Variants in ATP6V1C2 observed in about 807,000 individuals in gnomAD.
ATP6V1C2 encodes ATPase H+ transporting V1 subunit C2.
In ATP6V1C2, 45 loss-of-function variants were observed where a neutral mutation model predicts 56.8. The observed-to-expected ratio is 0.79, with a 90% confidence interval of 0.62 to 1.02. The LOEUF (loss-of-function observed/expected upper bound fraction) is 1.02, where lower values mean the gene tolerates loss of function less well. ATP6V1C2 is among the 50% of genes least tolerant of loss of function. ATP6V1C2 has a pLI of 0.00. For synonymous variants in ATP6V1C2, 220 were observed against 201.3 expected (o/e 1.09, Z -0.79); for missense variants, 463 against 519.7 (o/e 0.89, Z 1.06).
At position 10,771,950 on chromosome 2, in the gene ATP6V1C2, C is replaced by A. The variant is rs758710554; in HGVS notation, c.569+13C>A. On this transcript the variant is annotated intron_variant, in intron 7 of 13. Transcript: ENST00000272238. Reference sequence around the variant, plus strand: ...TCATCGTCCCCAAGTGAGTGCTGGGCGATCACGAAGGAAACCGGCCCTGCC... The same window carrying A: ...TCATCGTCCCCAAGTGAGTGCTGGGAGATCACGAAGGAAACCGGCCCTGCC... 5.0e-6 allele frequency: 8 copies of A among 1,610,474 alleles called. No homozygotes were observed. The highest frequency in any genetic ancestry group is 6.8e-6 in the Non-Finnish European group (8 of 1,176,816).
intron 4 of ATP6V1C2, among the ~76,000 whole-genome samples, chr2:10,758,961 C>T (rs56667977): frequency 0.17 from 25,475 of 152,194 alleles, 2,593 homozygotes; most frequent in African/African-American, 0.28. Flanking sequence ...GCCACCGCGC[C>T]GGCCGAGAGG....
intron 3 of ATP6V1C2, among the ~76,000 whole-genome samples, chr2:10,750,433 TTG>T (rs990115825): frequency 4.6e-5 from 7 of 151,888 alleles, no homozygotes; most frequent in African/African-American, 1.7e-4. Flanking sequence ...GAAGGATCAC[TTG>T]AACCTGGAAG....
chr2:10,755,881 G>T (rs1663527399), intron 4 of ATP6V1C2, among the ~76,000 whole-genome samples: 1 of 152,212 alleles, frequency 6.6e-6, no homozygotes, highest in South Asian at 2.1e-4. Flanking sequence ...CGTGCTGATG[G>T]GACGAACCTT....
intron 3 of ATP6V1C2, among the ~76,000 whole-genome samples, chr2:10,736,247 T>C (rs1344453387): frequency 6.6e-6 from 1 of 152,188 alleles, no homozygotes; most frequent in Non-Finnish European, 1.5e-5. Flanking sequence ...AGGTGATCTG[T>C]TTCTAGAAGG....
At chr2:10,769,647 T>C (rs1664459209) in intron 6 of ATP6V1C2, among the ~76,000 whole-genome samples, 2 of 151,960 alleles carry the variant, frequency 1.3e-5, no homozygotes, top group African/African-American at 4.8e-5. Flanking sequence ...GAGGTTGCAG[T>C]GAGCTGAGAT....
Position 10,771,838 on chromosome 2 carries a change from G to A in ATP6V1C2, c.471-1G>A. On this transcript the variant is annotated splice_acceptor_variant, in intron 6 of 13. Transcript: ENST00000272238. LOFTEE classifies it high-confidence loss of function. ...CACCCTTTGTTCCACCTGCCTTTTAGGGGGAACCTCTTCACCCGGACACTG... is the reference window on the plus strand; with the variant it reads ...CACCCTTTGTTCCACCTGCCTTTTAAGGGGAACCTCTTCACCCGGACACTG... The A allele has an allele frequency of 6.2e-7, 1 of 1,613,626 alleles. No homozygotes were observed. Among genetic ancestry groups the A allele is most frequent in the African/African-American group, 1.3e-5 (1 of 75,062 alleles).
intron 3 of ATP6V1C2, among the ~76,000 whole-genome samples, chr2:10,741,006 G>A (rs183606809): frequency 1.5e-4 from 23 of 152,330 alleles, no homozygotes; most frequent in Admixed American, 5.2e-4. Context: ...TTTTTGAAGA[G>A]GGTAGAGCAT....
At chr2:10,752,747 G>T (rs1305569400) in intron 3 of ATP6V1C2, among the ~76,000 whole-genome samples, 1 of 152,154 alleles carries the variant, frequency 6.6e-6, no homozygotes, top group Non-Finnish European at 1.5e-5. Context: ...TGTAATCCCA[G>T]CACTTTGGGA....
chr2:10,760,032 T>TG (rs1200415285), intron 4 of ATP6V1C2, among the ~76,000 whole-genome samples: 1 of 148,680 alleles, frequency 6.7e-6, no homozygotes, highest in Non-Finnish European at 1.5e-5. Context: ...TGTTTTTTGT[T>TG]TTTTTTTTTT....
At chr2:10,745,032 ATTTAT>A in intron 3 of ATP6V1C2, among the ~76,000 whole-genome samples, 1 of 91,168 alleles carries the variant, frequency 1.1e-5, no homozygotes, top group African/African-American at 4.1e-5. Flanking sequence ...CCATTTGTTT[ATTTAT>A]TTTCTTTTTT....
intron 3 of ATP6V1C2, among the ~76,000 whole-genome samples, chr2:10,749,230 C>G (rs34975887): frequency 0.032 from 4,786 of 151,536 alleles, 241 homozygotes; most frequent in African/African-American, 0.11. Context: ...TATGGTGGCT[C>G]ATGCCTGTAA....
chr2:10,731,141 G>A (rs192382204), intron 3 of ATP6V1C2, among the ~76,000 whole-genome samples: 1 of 150,916 alleles, frequency 6.6e-6, no homozygotes, highest in Non-Finnish European at 1.5e-5. Context: ...TAGAGACAAG[G>A]TCTTACTATA....
At chr2:10,777,825 A>T (rs2148513399) in intron 11 of ATP6V1C2, 103 bp downstream of exon 11, 1 of 1,408,274 alleles carries the variant, frequency 7.1e-7, no homozygotes, top group South Asian at 1.4e-5. Flanking sequence ...GTTCTCTAAT[A>T]TGGCTTTTGA....
chr2:10,725,489 A>ATTTT lies in ATP6V1C2; in HGVS notation c.130-993_130-990dup, dbSNP rs371459373. Among the ~76,000 whole-genome samples, 39 of 107,150 alleles carry ATTTT rather than the reference A, an allele frequency of 3.6e-4. 1 individual carries two copies. The highest frequency in any genetic ancestry group is 2.5e-3 in the East Asian group (7 of 2,778). The allele number at this position is 107,150 out of a possible 152,430, so 70.3% of individuals were successfully genotyped here. On this transcript the variant is annotated intron_variant, in intron 2 of 13. Transcript: ENST00000272238. ...AAAGCTGCCTCCTTCCCCAGCAAGA[A>ATTTT]TTTTTTTTTTTTTTTTTTTTTTTGA... is the stretch of plus-strand genomic sequence containing the variant.
intron 4 of ATP6V1C2, 39 bp from the exon 5 acceptor site, chr2:10,764,292 C>T (rs1029227934): frequency 1.6e-5 from 24 of 1,515,816 alleles, no homozygotes; most frequent in South Asian, 4.5e-5. Flanking sequence ...GGATGCAGAG[C>T]GCAGGCTCAT....
At chr2:10,766,526 A>G (rs1664231675) in intron 5 of ATP6V1C2, among the ~76,000 whole-genome samples, 1 of 152,080 alleles carries the variant, frequency 6.6e-6, no homozygotes, top group South Asian at 2.1e-4. Flanking sequence ...CCTCTCAGCA[A>G]TTTTTCATTG....
intron 3 of ATP6V1C2, among the ~76,000 whole-genome samples, chr2:10,743,902 T>C (rs1662704185): frequency 6.6e-6 from 1 of 151,174 alleles, no homozygotes. Context: ...GGAGAATAGC[T>C]GGAACCCGGA....
At chr2:10,732,815 A>G (rs1471966356) in intron 3 of ATP6V1C2, among the ~76,000 whole-genome samples, 1 of 151,826 alleles carries the variant, frequency 6.6e-6, no homozygotes, top group African/African-American at 2.4e-5. Context: ...TACTAAAAAT[A>G]CAAAAATTAG....
chr2:10,725,806 G>A (rs558045833), intron 2 of ATP6V1C2, among the ~76,000 whole-genome samples: 69 of 151,704 alleles, frequency 4.5e-4, no homozygotes, highest in African/African-American at 1.6e-3. Context: ...GGGGCCGGGT[G>A]CAGTGGCTTG....
Sources: allele counts gnomAD v4.1 joint callset (sites outside exome capture counted in the v4.1 genomes callset), GRCh38; gene constraint gnomAD v4.1.1; transcripts MANE v1.5; gene names NCBI Gene and HGNC (gene_info 2026-07-23, HGNC 2026-07-21).